Variants in PCDHA8 observed in about 807,000 individuals in gnomAD.
The protein encoded by PCDHA8 is protocadherin alpha-8.
A neutral mutation model predicts 61.8 loss-of-function variants in PCDHA8; 53 were observed. That is an observed-to-expected ratio of 0.86 (90% confidence interval 0.69 to 1.08). The LOEUF (loss-of-function observed/expected upper bound fraction) is 1.08, where lower values mean the gene tolerates loss of function less well. Ranked by LOEUF, PCDHA8 falls within the 50% of genes least tolerant of loss-of-function variation. The pLI, the probability that PCDHA8 is intolerant of heterozygous loss-of-function variation, is 0.00. For synonymous variants in PCDHA8, 618 were observed against 556.6 expected (o/e 1.11, Z -1.55); for missense variants, 1,293 against 1,245.0 (o/e 1.04, Z -0.58).
chr5:140,869,407 T>G, intron 1 of PCDHA8: 4 of 1,614,120 alleles, frequency 2.5e-6, no homozygotes, highest in African/African-American at 1.3e-5. Context: ...GAGCGCGGAG[T>G]GCAGCATCCA....
chr5:140,865,652 A>G (rs1413896571), intron 1 of PCDHA8: 1 of 152,206 alleles, frequency 6.6e-6, no homozygotes, highest in Non-Finnish European at 1.5e-5. Context: ...ACATTATTTC[A>G]TTTAATACTT....
At chr5:140,917,301 G>T (rs2078005324) in intron 1 of PCDHA8, among the ~76,000 whole-genome samples, 1 of 138,576 alleles carries the variant, frequency 7.2e-6, no homozygotes, top group Non-Finnish European at 1.5e-5. Flanking sequence ...GCAGATAGTT[G>T]TTACAATTTG....
At chr5:140,999,755 A>G (rs932293037) in intron 3 of PCDHA8, among the ~76,000 whole-genome samples, 1 of 152,168 alleles carries the variant, frequency 6.6e-6, no homozygotes, top group South Asian at 2.1e-4. Context: ...TTCGCAGCAC[A>G]TGATGTCTTT....
At chr5:140,925,800 C>T (rs1318763578) in intron 1 of PCDHA8, among the ~76,000 whole-genome samples, 5 of 152,070 alleles carry the variant, frequency 3.3e-5, no homozygotes, top group African/African-American at 1.2e-4. Context: ...AGTACTTTCC[C>T]CTCCACTTCT....
intron 1 of PCDHA8, chr5:140,875,190 C>T (rs2055337617): frequency 4.0e-6 from 2 of 496,884 alleles, no homozygotes; most frequent in Admixed American, 4.0e-5. Flanking sequence ...TTAAGAGTGA[C>T]CCAGGAAGTG....
At chr5:140,941,198 TCTTC>T (rs202127003) in intron 1 of PCDHA8, among the ~76,000 whole-genome samples, 9,614 of 119,776 alleles carry the variant, frequency 0.08, 511 homozygotes, top group Non-Finnish European at 0.089. Context: ...TTTTTTTCTT[TCTTC>T]CTTTCTTTCT....
At chr5:140,881,361 C>T (rs990387338) in intron 1 of PCDHA8, 4 of 985,122 alleles carry the variant, frequency 4.1e-6, no homozygotes, top group Non-Finnish European at 2.4e-6. Context: ...GCGTGGCTTT[C>T]GTATGAATTG....
At chr5:140,903,429 G>T (rs782504374) in intron 1 of PCDHA8, among the ~76,000 whole-genome samples, 2 of 152,180 alleles carry the variant, frequency 1.3e-5, no homozygotes, top group South Asian at 4.1e-4. Context: ...AGCACAATAT[G>T]TATCAGTGGA....
rs2150340944 is a variant in PCDHA8 at position 140,842,634 on chromosome 5, C to A, written c.1313C>A (p.Thr438Asn). Reference protein sequence around the residue: ...RDGGSPSLWATASLSVEVADV... With the variant: ...RDGGSPSLWANASLSVEVADV... ...GGGGGCTCGCCTTCGCTGTGGGCCA[C>A]CGCCAGCTTGTCTGTGGAGGTGGCC... is the stretch of plus-strand genomic sequence containing the variant. The change falls in exon 1 of 4, where the codon ACC (threonine) becomes AAC (asparagine). Residue 438 changes from threonine to asparagine, a missense_variant. Transcript: ENST00000531613. 1 of 1,589,836 alleles carries A rather than the reference C, an allele frequency of 6.3e-7. No individual in the cohort carries two copies. The highest frequency in any genetic ancestry group is 1.7e-5 in the Admixed American group (1 of 58,666).
intron 1 of PCDHA8, chr5:140,884,206 C>A: frequency 6.2e-7 from 1 of 1,613,542 alleles, no homozygotes; most frequent in Admixed American, 1.7e-5. Flanking sequence ...CGCACCACCG[C>A]CTTCTGGTGC....
rs2150452884 is a variant in PCDHA8, at chr5:140,849,840, A to G, written c.2394+6125A>G. 1.9e-6 allele frequency: 3 copies of G among 1,598,334 alleles called. No individual in the cohort carries two copies. The Admixed American group carries it at 5.1e-5, about 27-fold the overall frequency. On this transcript the variant is annotated intron_variant, in intron 1 of 3. Coordinates refer to ENST00000531613, the MANE Select transcript of PCDHA8 (RefSeq NM_018911.3). ...GGTGTCTGTGGAGGTGGCCGACGTG[A>G]ACGACAACGCACCAGCGTTCGCGCA...
intron 1 of PCDHA8, chr5:140,856,875 T>A: frequency 1.9e-6 from 3 of 1,595,778 alleles, no homozygotes; most frequent in Non-Finnish European, 2.6e-6. Context: ...AACAAGGAAA[T>A]GATGTATTCA....
intron 1 of PCDHA8, among the ~76,000 whole-genome samples, chr5:140,900,051 C>G (rs1489382607): frequency 6.6e-6 from 1 of 152,168 alleles, no homozygotes; most frequent in African/African-American, 2.4e-5. Flanking sequence ...CTCAAGTGAT[C>G]CTTTAACCTC....
In PCDHA8 at chr5:140,875,833, G is replaced by A. The variant is rs782436615; in HGVS notation, c.2394+32118G>A. 1 of 1,614,220 alleles carries A rather than the reference G, an allele frequency of 6.2e-7. No homozygotes were observed. Among genetic ancestry groups the A allele is most frequent in the Non-Finnish European group, 8.5e-7 (1 of 1,180,044 alleles). On this transcript the variant is annotated intron_variant, in intron 1 of 3. Coordinates refer to ENST00000531613, the MANE Select transcript of PCDHA8 (RefSeq NM_018911.3). ...GCCGCTGCAGGTTTTCCATGTGGAC[G>A]TGGAGGTGAAGGACATTAACGACAA...
intron 1 of PCDHA8, among the ~76,000 whole-genome samples, chr5:140,890,365 T>A: frequency 6.6e-6 from 1 of 152,216 alleles, no homozygotes; most frequent in Non-Finnish European, 1.5e-5. Context: ...ATGGATAACC[T>A]GAACAAGTAC....
chr5:140,865,598 C>A (rs542387225), intron 1 of PCDHA8: 1 of 152,240 alleles, frequency 6.6e-6, no homozygotes, highest in African/African-American at 2.4e-5. Flanking sequence ...ATTGTTTGAG[C>A]AGTTTATTAA....
intron 1 of PCDHA8, among the ~76,000 whole-genome samples, chr5:140,897,071 A>AT (rs1433909021): frequency 3.3e-5 from 5 of 151,872 alleles, no homozygotes; most frequent in African/African-American, 1.2e-4. Flanking sequence ...TGTCTTATTC[A>AT]TTTTTTCTAT....
intron 1 of PCDHA8, among the ~76,000 whole-genome samples, chr5:140,958,077 A>C (rs2095408004): frequency 1.3e-5 from 2 of 152,124 alleles, no homozygotes; most frequent in African/African-American, 4.8e-5. Context: ...AGAAGCAAAA[A>C]GTAAAGTTGT....
At chr5:140,870,383 G>A (rs2051950706) in intron 1 of PCDHA8, 20 of 1,614,242 alleles carry the variant, frequency 1.2e-5, no homozygotes, top group Non-Finnish European at 1.7e-5. Flanking sequence ...GTGACTGCGC[G>A]GGATGGGGGT....
Sources: allele counts gnomAD v4.1 joint callset (sites outside exome capture counted in the v4.1 genomes callset), GRCh38; gene constraint gnomAD v4.1.1; transcripts MANE v1.5; gene names NCBI Gene and HGNC (gene_info 2026-07-23, HGNC 2026-07-21).